FGD4: variants seen among roughly 807,000 people sequenced by gnomAD.
The protein encoded by FGD4 is FYVE, RhoGEF and PH domain-containing protein 4.
A neutral mutation model predicts 102.0 loss-of-function variants in FGD4; 42 were observed. The observed-to-expected ratio is 0.41, with a 90% CI of 0.32 to 0.53. The LOEUF (loss-of-function observed/expected upper bound fraction) is 0.53. FGD4 is among the 20% of genes least tolerant of loss of function. The pLI, the probability that FGD4 is intolerant of heterozygous loss-of-function variation, is 0.21. For missense variants in FGD4, 902 were observed against 1,078.2 expected (o/e 0.84, Z 2.29); for synonymous variants, 380 against 375.7 (o/e 1.01, Z -0.13).
At chr12:32,496,523 A>G (rs1189491214) in intron 1 of FGD4, among the ~76,000 whole-genome samples, 3 of 152,132 alleles carry the variant, frequency 2.0e-5, no homozygotes, top group African/African-American at 7.2e-5. Flanking sequence ...ATATGCTTTT[A>G]TTGTCTGTGG....
At chr12:32,528,087 T>C (rs1242901611) in intron 1 of FGD4, among the ~76,000 whole-genome samples, 1 of 151,976 alleles carries the variant, frequency 6.6e-6, no homozygotes, top group African/African-American at 2.4e-5. Context: ...TTCAAGCACA[T>C]CCCACCACAC....
At chr12:32,546,748 G>A (rs1042073249) in intron 1 of FGD4, among the ~76,000 whole-genome samples, 2 of 152,206 alleles carry the variant, frequency 1.3e-5, no homozygotes, top group African/African-American at 4.8e-5. Flanking sequence ...ACAATGGTGA[G>A]GCCTCATCAG....
intron 4 of FGD4, among the ~76,000 whole-genome samples, chr12:32,587,766 TG>T (rs1427686971): frequency 6.6e-6 from 1 of 152,108 alleles, no homozygotes; most frequent in Non-Finnish European, 1.5e-5. Flanking sequence ...AGGAAAGTAA[TG>T]GTGTGGGTTT....
At chr12:32,492,609 AGT>A (rs1368267297) in intron 1 of FGD4, among the ~76,000 whole-genome samples, 2 of 152,236 alleles carry the variant, frequency 1.3e-5, no homozygotes, top group Non-Finnish European at 2.9e-5. Flanking sequence ...TTATTATAAA[AGT>A]GTTAAAGCAG....
intron 2 of FGD4, among the ~76,000 whole-genome samples, chr12:32,565,694 C>A (rs569626557): frequency 6.6e-6 from 1 of 152,178 alleles, no homozygotes; most frequent in South Asian, 2.1e-4. Context: ...GTTGCATGTG[C>A]CAAAATAATC....
rs867205577 is a variant in FGD4, at chr12:32,520,435, T to G, written c.167-43702T>G. Among the ~76,000 whole-genome samples, 302 of 140,756 alleles carry G rather than the reference T, an allele frequency of 2.1e-3. 1 individual carries two copies. The highest frequency in any genetic ancestry group is 7.3e-3 in the African/African-American group (279 of 38,136). The allele number at this position is 140,756 out of a possible 152,430, so 92.3% of individuals were successfully genotyped here. On this transcript the variant is annotated intron_variant, in intron 1 of 16. Transcript: ENST00000534526. ...TAAGTTCTATTGTGGGTTTTTTTGT[T>G]TTTTGTTTTTTTTTTTTAGAGATGG... is the stretch of plus-strand genomic sequence containing the variant.
intron 5 of FGD4, chr12:32,600,615 G>A (rs1948358799): frequency 4.1e-6 from 1 of 245,456 alleles, no homozygotes; most frequent in East Asian, 1.4e-4. Context: ...TTGTCTTCAA[G>A]GTACGTGTTA....
intron 14 of FGD4, among the ~76,000 whole-genome samples, chr12:32,630,463 T>C (rs186006282): frequency 1.3e-5 from 2 of 152,194 alleles, no homozygotes; most frequent in African/African-American, 4.8e-5. Context: ...GAGGATTGCT[T>C]GAGGCCAGGA....
At position 32,506,932 on chromosome 12, in the gene FGD4, A is replaced by C. The variant is rs1263532103; in HGVS notation, c.167-57205A>C. On this transcript the variant is annotated intron_variant, in intron 1 of 16. Coordinates refer to ENST00000534526, the MANE Select transcript of FGD4 (RefSeq NM_001370298.3). This position sits in a 1 kb window ranked among gnomAD's most constrained non-coding sequence, Gnocchi z 4.5. ...AGGGTGGCAAACTTTATTTTTATTTATTTTTTATTATTATACTTTAAGTTT... is the reference window on the plus strand; with the variant it reads ...AGGGTGGCAAACTTTATTTTTATTTCTTTTTTATTATTATACTTTAAGTTT... Among the ~76,000 whole-genome samples the C allele has an allele frequency of 6.6e-6, 1 of 152,088 alleles. No individual in the cohort carries two copies. Among genetic ancestry groups the C allele is most frequent in the African/African-American group, 2.4e-5 (1 of 41,404 alleles).
chr12:32,442,745 A>T (rs1001667947), intron 1 of FGD4, among the ~76,000 whole-genome samples: 3 of 151,864 alleles, frequency 2.0e-5, no homozygotes, highest in Non-Finnish European at 2.9e-5. Context: ...TTTTGTAGGG[A>T]CAGAGTTTCA....
intron 1 of FGD4, among the ~76,000 whole-genome samples, chr12:32,461,638 A>C (rs547864031): frequency 6.6e-6 from 1 of 152,332 alleles, no homozygotes; most frequent in South Asian, 2.1e-4. Flanking sequence ...TGTACATTTT[A>C]AAAATATAAG....
intron 1 of FGD4, among the ~76,000 whole-genome samples, chr12:32,525,199 G>C (rs973160173): frequency 3.9e-5 from 6 of 152,172 alleles, no homozygotes; most frequent in Non-Finnish European, 8.8e-5. Context: ...CCAACAATCA[G>C]ATTAGAGTCC....
In FGD4 at chr12:32,574,331, GTTTT is replaced by G. The variant is rs59873254; in HGVS notation, c.320-1922_320-1919del. Among the ~76,000 whole-genome samples the G allele has an allele frequency of 2.4e-5, 3 of 127,542 alleles. No individual in the cohort carries two copies. The South Asian group carries it at 7.7e-4, about 33-fold the overall frequency. 83.7% of individuals were successfully genotyped at this position (127,542 alleles called of 152,430 possible). A position where few individuals can be genotyped will look rare whatever the true frequency, so the allele number is the denominator to read the frequency against. The stretch of plus-strand genomic sequence containing the variant: ...TGTTGAATTATTCATAACCTTAAGT[GTTTT>G]TTTTTTTTTTTTGGGTGGGAGATTT... On this transcript the variant is annotated intron_variant, in intron 2 of 16. Transcript: ENST00000534526.
At chr12:32,520,473 T>G (rs1471072002) in intron 1 of FGD4, among the ~76,000 whole-genome samples, 1 of 148,282 alleles carries the variant, frequency 6.7e-6, no homozygotes. Context: ...TCTCGCTCTG[T>G]CGCCCAGGCT....
chr12:32,638,856 G>T (rs1951000399), intron 16 of FGD4, 61 bp downstream of exon 16: 1 of 1,610,764 alleles, frequency 6.2e-7, no homozygotes, highest in South Asian at 1.1e-5. Context: ...GAAGCGAGTG[G>T]ACAGCGGACT....
chr12:32,537,187 C>T (rs1053147554), intron 1 of FGD4, among the ~76,000 whole-genome samples: 2 of 152,124 alleles, frequency 1.3e-5, no homozygotes, highest in Non-Finnish European at 2.9e-5. Flanking sequence ...GGATTACAGG[C>T]GTGAGCCACC....
chr12:32,402,749 A>G (rs1393612193), intron 1 of FGD4, among the ~76,000 whole-genome samples: 1 of 136,094 alleles, frequency 7.3e-6, no homozygotes, highest in Non-Finnish European at 1.5e-5. Flanking sequence ...CAGGGTCGAA[A>G]AGTAATTATC....
At chr12:32,597,743 CA>C (rs1259820369) in intron 4 of FGD4, among the ~76,000 whole-genome samples, 1 of 152,044 alleles carries the variant, frequency 6.6e-6, no homozygotes, top group Non-Finnish European at 1.5e-5. Flanking sequence ...GGAATTAATA[CA>C]AAATAAAATG....
At position 32,506,073 on chromosome 12, in the gene FGD4, AC is replaced by A. The variant is rs1203233619; in HGVS notation, c.167-58062del. Among the ~76,000 whole-genome samples, 1 of 152,212 alleles carries A rather than the reference AC, an allele frequency of 6.6e-6. No individual in the cohort carries two copies. Among genetic ancestry groups the A allele is most frequent in the Non-Finnish European group, 1.5e-5 (1 of 68,048 alleles). Reference sequence around the variant, plus strand: ...TAAGCAGCTTTTCCAAGGTCAGGAAACCTGTGAGTTACAGAAACAGCTAATG... The same window carrying A: ...TAAGCAGCTTTTCCAAGGTCAGGAAACTGTGAGTTACAGAAACAGCTAATG... On this transcript the variant is annotated intron_variant, in intron 1 of 16. Transcript: ENST00000534526. The surrounding 1 kb of genome is among the most constrained non-coding windows in gnomAD (Gnocchi z 4.5).
Sources: gnomAD v4.1 joint callset for allele counts (sites outside exome capture counted in the v4.1 genomes callset) on GRCh38, gnomAD v4.1.1 for gene constraint, Gnocchi (gnomAD v3.1) non-coding constraint, MANE v1.5 for transcripts, NCBI Gene and HGNC (gene_info 2026-07-23, HGNC 2026-07-21) for gene names.